Variants in HDAC9 observed in about 807,000 individuals in gnomAD.
The protein encoded by HDAC9 is MEF-2 interacting transcription repressor (MITR) protein.
Under a neutral mutation model 139.4 loss-of-function variants are expected in HDAC9, and 41 were observed. The ratio of observed to expected loss-of-function variants is 0.29; its 90% CI spans 0.23 to 0.38. The LOEUF (loss-of-function observed/expected upper bound fraction) is 0.38. Among genes scored for constraint, HDAC9 ranks in the 10% least tolerant of loss-of-function variants. HDAC9 has a pLI of 1.00. For synonymous variants in HDAC9, 517 were observed against 476.2 expected (o/e 1.09, Z -1.12); for missense variants, 1,147 against 1,297.0 (o/e 0.88, Z 1.78).
intron 2 of HDAC9, among the ~76,000 whole-genome samples, chr7:18,235,503 T>A (rs1169566072): frequency 1.3e-5 from 2 of 152,212 alleles, no homozygotes; most frequent in Admixed American, 1.3e-4. Context: ...GCCTATGAGT[T>A]TGACCAGTGA....
At chr7:18,180,032 G>C (rs946043662) in intron 2 of HDAC9, among the ~76,000 whole-genome samples, 13 of 152,212 alleles carry the variant, frequency 8.5e-5, no homozygotes, top group Admixed American at 7.8e-4. Flanking sequence ...ACAATTTCCA[G>C]ATTTGTCTCT....
chr7:18,465,170 AT>A (rs1005840545), intron 1 of HDAC9, among the ~76,000 whole-genome samples: 1 of 151,730 alleles, frequency 6.6e-6, no homozygotes, highest in African/African-American at 2.4e-5. Flanking sequence ...AAACTCTAAA[AT>A]TTTTTTTAGT....
chr7:18,559,553 C>G (rs933377207), intron 2 of HDAC9, among the ~76,000 whole-genome samples: 2 of 152,176 alleles, frequency 1.3e-5, no homozygotes, highest in Non-Finnish European at 2.9e-5. Context: ...ACAACTCTCT[C>G]TCAAGACATT....
chr7:18,968,328 T>A (rs978227644), intron 24 of HDAC9, among the ~76,000 whole-genome samples: 1 of 152,114 alleles, frequency 6.6e-6, no homozygotes. Context: ...TAGTTAGAAA[T>A]CAAAAATATT....
intron 1 of HDAC9, among the ~76,000 whole-genome samples, chr7:18,425,116 A>G (rs575948123): frequency 1.3e-5 from 2 of 152,302 alleles, no homozygotes; most frequent in South Asian, 2.1e-4. Context: ...TTGTCATAAA[A>G]TAGCATGCAG....
At position 19,000,114 on chromosome 7, in the gene HDAC9, T is replaced by TG. The variant is rs1786679375; in HGVS notation, c.*4054dup. ...ACTTTCAAAAGAAATGAAAACCAGA[T>TG]GGTCTATGCTAAGAAGTGAAGGCAT... On this transcript the variant is annotated 3_prime_UTR_variant, in exon 26 of 26. Coordinates refer to ENST00000686413, the MANE Select transcript of HDAC9 (RefSeq NM_178425.4). The TG allele has an allele frequency of 6.6e-6, 1 of 152,204 alleles. No homozygotes were observed. The highest frequency in any genetic ancestry group is 2.4e-5 in the African/African-American group (1 of 41,452). 9.4% of individuals were successfully genotyped at this position (152,204 alleles called of 1,614,324 possible).
At chr7:18,213,006 T>G (rs912208760) in intron 2 of HDAC9, among the ~76,000 whole-genome samples, 12 of 152,188 alleles carry the variant, frequency 7.9e-5, no homozygotes, top group Non-Finnish European at 1.2e-4. Context: ...CCTTTTTGCT[T>G]TAGACAGCAT....
intron 2 of HDAC9, among the ~76,000 whole-genome samples, chr7:18,272,802 A>G (rs1249869987): frequency 1.3e-5 from 2 of 152,090 alleles, no homozygotes; most frequent in Non-Finnish European, 2.9e-5. Context: ...ATAGAATTTG[A>G]CAAGCTAATT....
chr7:18,171,487 A>T (rs957027430), intron 2 of HDAC9, among the ~76,000 whole-genome samples: 1 of 152,170 alleles, frequency 6.6e-6, no homozygotes, highest in Non-Finnish European at 1.5e-5. Context: ...AGTATGTTGA[A>T]TAGGAGTGGT....
chr7:18,760,033 G>A (rs570443150), intron 14 of HDAC9, among the ~76,000 whole-genome samples: 22 of 152,298 alleles, frequency 1.4e-4, no homozygotes, highest in African/African-American at 5.3e-4. Context: ...ACATGGGTCT[G>A]ATCATTAGCT....
At chr7:18,739,863 C>T (rs1208492580) in intron 13 of HDAC9, among the ~76,000 whole-genome samples, 2 of 152,228 alleles carry the variant, frequency 1.3e-5, no homozygotes. Context: ...CAGCTATGCC[C>T]TGCCCACAGA....
intron 21 of HDAC9, among the ~76,000 whole-genome samples, chr7:18,847,557 G>A (rs1222199071): frequency 2.0e-5 from 3 of 152,168 alleles, no homozygotes; most frequent in Admixed American, 2.0e-4. Context: ...GAGTTGTCCT[G>A]ACACCCTGAG....
In HDAC9 at chr7:18,635,605, A is replaced by G. The variant is rs111597090; in HGVS notation, c.912+863A>G. 9.9e-3 allele frequency among the ~76,000 whole-genome samples: 1,509 copies of G among 152,210 alleles called. 16 individuals are homozygous for G. Among genetic ancestry groups the G allele is most frequent in the African/African-American group, 0.035 (1,439 of 41,560 alleles). ...ATCACCTGTTTTGAAGTCATCAACA[A>G]TTGACTGAAAGCCTTATTTTTGTTT... On this transcript the variant is annotated intron_variant, in intron 8 of 25. Transcript: ENST00000686413.
chr7:18,901,261 CAT>C (rs145525024), intron 22 of HDAC9, among the ~76,000 whole-genome samples: 5 of 144,688 alleles, frequency 3.5e-5, no homozygotes, highest in African/African-American at 2.5e-5. Context: ...TATACATATA[CAT>C]ATATATATAT....
At chr7:18,852,008 C>G (rs987616256) in intron 21 of HDAC9, among the ~76,000 whole-genome samples, 3 of 152,156 alleles carry the variant, frequency 2.0e-5, no homozygotes, top group Admixed American at 2.0e-4. Context: ...GGAAACTTGT[C>G]TTTAGAGACA....
At chr7:18,556,136 A>T (rs2128685659) in intron 2 of HDAC9, among the ~76,000 whole-genome samples, 1 of 152,162 alleles carries the variant, frequency 6.6e-6, no homozygotes, top group South Asian at 2.1e-4. Flanking sequence ...CAGTTCAAAA[A>T]TGTTATAGCT....
At chr7:18,334,126 T>C (rs956977254) in intron 1 of HDAC9, among the ~76,000 whole-genome samples, 11 of 151,544 alleles carry the variant, frequency 7.3e-5, no homozygotes, top group South Asian at 2.1e-4. Flanking sequence ...GATAAATTCT[T>C]ATTTAATGAA....
At position 18,975,903 on chromosome 7, in the gene HDAC9, G is replaced by T. The variant is rs1394034672; in HGVS notation, c.3120G>T (p.Leu1040=). The T allele has an allele frequency of 6.2e-7, 1 of 1,613,752 alleles. No homozygotes were observed. Among genetic ancestry groups the T allele is most frequent in the African/African-American group, 1.3e-5 (1 of 74,926 alleles). The change falls in exon 25 of 26, where the codon CTG becomes CTT. Residue 1040 remains leucine, a synonymous_variant. Coordinates refer to ENST00000686413, the MANE Select transcript of HDAC9 (RefSeq NM_178425.4). ...AGGAGACAGAGACCGTTTCTGCCCT[G>T]GCCTCCCTAACAGTGGATGTGGAAC... The part of the protein sequence containing the change: ...LQEETETVSA[L]ASLTVDVEQP...
chr7:18,832,336 A>C lies in HDAC9; in HGVS notation c.2466+2788A>C, dbSNP rs147812499. On this transcript the variant is annotated intron_variant, in intron 19 of 25. Coordinates refer to ENST00000686413, the MANE Select transcript of HDAC9 (RefSeq NM_178425.4). ...TCAAGTACATTTAGATCTTTATTAC[A>C]AGTCCCTATACTGAGTAACTAGGAG... Among the ~76,000 whole-genome samples, 165 of 152,338 alleles carry C rather than the reference A, an allele frequency of 1.1e-3. 2 individuals are homozygous for C. In the East Asian group the frequency reaches 0.025, roughly 23 times the overall value.
Sources: gnomAD v4.1 joint callset for allele counts (sites outside exome capture counted in the v4.1 genomes callset) on GRCh38, gnomAD v4.1.1 for gene constraint, MANE v1.5 for transcripts, NCBI Gene and HGNC (gene_info 2026-07-23, HGNC 2026-07-21) for gene names.